Variants in NFIB observed in about 807,000 individuals in gnomAD.
NFIB encodes nuclear factor 1 B-type.
A neutral mutation model predicts 61.5 loss-of-function variants in NFIB; 11 were observed. The observed-to-expected ratio is 0.18, with a 90% CI of 0.11 to 0.30. NFIB has a LOEUF of 0.30. Ranked by LOEUF, NFIB falls within the 10% of genes least tolerant of loss-of-function variation. The pLI is 1.00. For missense variants in NFIB, 471 were observed against 608.9 expected, an observed-to-expected ratio of 0.77 and a Z score of 2.38; for synonymous variants, 260 against 216.5, an observed-to-expected ratio of 1.20 and a Z score of -1.76.
chr9:14,507,863 G>C, the NFIB span, among the ~76,000 whole-genome samples: 1 of 151,862 alleles, frequency 6.6e-6, no homozygotes, highest in Admixed American at 6.6e-5. Flanking sequence ...CAGGCTGCCG[G>C]CATCAGAAAT....
At chr9:14,159,420 G>A (rs964375272) in intron 3 of NFIB, among the ~76,000 whole-genome samples, 5 of 152,164 alleles carry the variant, frequency 3.3e-5, no homozygotes, top group African/African-American at 1.2e-4. Context: ...ACTCCTGCAT[G>A]GAGCCCAGTG....
the NFIB span, among the ~76,000 whole-genome samples, chr9:14,438,374 A>G: frequency 6.6e-6 from 1 of 152,212 alleles, no homozygotes; most frequent in Non-Finnish European, 1.5e-5. Context: ...TGTATCAGAA[A>G]ATCGTTGATC....
chr9:14,239,517 C>G (rs978447953), intron 2 of NFIB, among the ~76,000 whole-genome samples: 8 of 152,022 alleles, frequency 5.3e-5, no homozygotes, highest in Non-Finnish European at 1.0e-4. Flanking sequence ...TCTAATACTA[C>G]AAGTCACTTA....
At chr9:14,465,128 G>A in the NFIB span, among the ~76,000 whole-genome samples, 1 of 152,158 alleles carries the variant, frequency 6.6e-6, no homozygotes, top group Non-Finnish European at 1.5e-5. Flanking sequence ...ACCTTTGTAG[G>A]ACCATGCAAG....
intron 2 of NFIB, among the ~76,000 whole-genome samples, chr9:14,288,916 T>C (rs1486055755): frequency 6.6e-6 from 1 of 151,962 alleles, no homozygotes; most frequent in Non-Finnish European, 1.5e-5. Flanking sequence ...ATGTTCTATA[T>C]TTTCCTTGAA....
chr9:14,460,433 G>A, the NFIB span, among the ~76,000 whole-genome samples: 2 of 151,862 alleles, frequency 1.3e-5, no homozygotes, highest in African/African-American at 4.8e-5. Flanking sequence ...CGAGTTAATG[G>A]GTGCAGCACA....
At chr9:14,360,975 T>C (rs975222463) in intron 1 of NFIB, among the ~76,000 whole-genome samples, 2 of 152,172 alleles carry the variant, frequency 1.3e-5, no homozygotes, top group South Asian at 2.1e-4. Flanking sequence ...ACCCCAGGGA[T>C]AGACATATTT....
intron 2 of NFIB, among the ~76,000 whole-genome samples, chr9:14,290,235 T>C (rs1358173927): frequency 6.6e-5 from 10 of 152,040 alleles, no homozygotes; most frequent in Admixed American, 3.3e-4. Flanking sequence ...TTTTGAGACA[T>C]TACATAGCAA....
chr9:14,465,511 T>C, the NFIB span, among the ~76,000 whole-genome samples: 21 of 152,036 alleles, frequency 1.4e-4, no homozygotes, highest in Admixed American at 2.6e-4. Context: ...TCATTAATGA[T>C]TTATGAAAAT....
At chr9:14,510,652 G>A in the NFIB span, among the ~76,000 whole-genome samples, 4 of 151,920 alleles carry the variant, frequency 2.6e-5, no homozygotes, top group Admixed American at 2.0e-4. Flanking sequence ...TATTTTAAAA[G>A]TAAGTTGAAA....
At chr9:14,448,344 G>A in the NFIB span, among the ~76,000 whole-genome samples, 42 of 152,124 alleles carry the variant, frequency 2.8e-4, no homozygotes, top group Middle Eastern at 0.01. Flanking sequence ...TATAGTGGTA[G>A]GCATAATTAT....
At chr9:14,457,826 G>T in the NFIB span, among the ~76,000 whole-genome samples, 2 of 152,098 alleles carry the variant, frequency 1.3e-5, no homozygotes, top group African/African-American at 2.4e-5. Flanking sequence ...GGAAGAAGTG[G>T]AATCTCTGAA....
At chr9:14,395,726 CTTTTTTTTTTTTTTT>C (rs35417792) in intron 1 of NFIB, among the ~76,000 whole-genome samples, 1,124 of 65,806 alleles carry the variant, frequency 0.017, 33 homozygotes, top group African/African-American at 0.057. Flanking sequence ...ATTCTTTTGA[CTTTTTTTTTTTTTTT>C]TTTTTTTTTT....
At chr9:14,160,359 C>G (rs955435128) in intron 3 of NFIB, among the ~76,000 whole-genome samples, 1 of 151,810 alleles carries the variant, frequency 6.6e-6, no homozygotes, top group Non-Finnish European at 1.5e-5. Context: ...GAATGTTAAA[C>G]AACATTTACA....
At position 14,125,638 on chromosome 9, in the gene NFIB, G is replaced by T. The variant is rs760189959; in HGVS notation, c.1054C>A (p.His352Asn). The change falls in exon 7 of 11, where the codon CAC (histidine) becomes AAC (asparagine). Residue 352 changes from histidine (H) to asparagine (N), a missense_variant. Transcript: ENST00000380953. ...TATGCTTGAAACTCCTCACCACTGTGTGCAACTCCAGGTATTCCGGGATGG... is the reference window on the plus strand; with the variant it reads ...TATGCTTGAAACTCCTCACCACTGTTTGCAACTCCAGGTATTCCGGGATGG... ...HHHPGIPGVA[H>N]SVISTRTPPP... 1.2e-6 allele frequency: 2 copies of T among 1,614,074 alleles called. No homozygotes were observed. Among genetic ancestry groups the T allele is most frequent in the Non-Finnish European group, 8.5e-7 (1 of 1,179,974 alleles).
intron 1 of NFIB, among the ~76,000 whole-genome samples, chr9:14,336,883 G>A (rs984386026): frequency 1.3e-5 from 2 of 152,002 alleles, no homozygotes; most frequent in Non-Finnish European, 2.9e-5. Flanking sequence ...TACACTCTCC[G>A]TCACAACTAC....
chr9:14,442,332 A>G, the NFIB span, among the ~76,000 whole-genome samples: 1 of 152,174 alleles, frequency 6.6e-6, no homozygotes. Flanking sequence ...CCCACCTTGT[A>G]AAAGAGGTTA....
intron 2 of NFIB, among the ~76,000 whole-genome samples, chr9:14,182,692 C>G (rs1390086725): frequency 1.6e-5 from 2 of 121,544 alleles, no homozygotes; most frequent in African/African-American, 6.3e-5. Context: ...ACCTCTCTCT[C>G]TCTCTCTCTC....
At chr9:14,486,671 G>A in the NFIB span, among the ~76,000 whole-genome samples, 1 of 150,792 alleles carries the variant, frequency 6.6e-6, no homozygotes, top group South Asian at 2.1e-4. Flanking sequence ...AACAATAGCA[G>A]GTGTGTAGTA....
Sources: gnomAD v4.1 joint callset for allele counts (sites outside exome capture counted in the v4.1 genomes callset) on GRCh38, gnomAD v4.1.1 for gene constraint, MANE v1.5 for transcripts, NCBI Gene and HGNC (gene_info 2026-07-23, HGNC 2026-07-21) for gene names.